Variants in SRGAP1 observed in about 807,000 individuals in gnomAD.
SRGAP1 encodes the protein SLIT-ROBO Rho GTPase-activating protein 1.
SRGAP1 carries 43 observed loss-of-function variants against 121.9 expected under a neutral mutation model. The ratio of observed to expected loss-of-function variants is 0.35; its 90% CI spans 0.28 to 0.46. The LOEUF (loss-of-function observed/expected upper bound fraction) is 0.46, where lower values mean the gene tolerates loss of function less well. SRGAP1 is among the 20% of genes least tolerant of loss of function. The probability of loss-of-function intolerance (pLI) is 1.00; values close to 1 mark genes in which losing one functional copy is unlikely to be tolerated. For missense variants in SRGAP1, 1,102 were observed against 1,350.9 expected, an observed-to-expected ratio of 0.82 and a Z score of 2.89; for synonymous variants, 447 against 485.4, an observed-to-expected ratio of 0.92 and a Z score of 1.04.
chr12:64,028,240 T>G (rs914493121), intron 4 of SRGAP1, among the ~76,000 whole-genome samples: 3 of 152,254 alleles, frequency 2.0e-5, no homozygotes, highest in Non-Finnish European at 4.4e-5. Context: ...TTTCTTTCAG[T>G]AGATTAAACT....
chr12:64,061,616 A>G (rs886379773), intron 6 of SRGAP1, among the ~76,000 whole-genome samples: 3 of 152,182 alleles, frequency 2.0e-5, no homozygotes, highest in Non-Finnish European at 4.4e-5. Context: ...TGAGAGTTGT[A>G]TATCCATCAC....
At chr12:63,921,920 A>G (rs1242987600) in intron 1 of SRGAP1, among the ~76,000 whole-genome samples, 1 of 152,124 alleles carries the variant, frequency 6.6e-6, no homozygotes, top group African/African-American at 2.4e-5. Context: ...ATATTTCCTT[A>G]GCCATCACAA....
intron 6 of SRGAP1, among the ~76,000 whole-genome samples, chr12:64,047,743 T>A (rs57477949): frequency 1.3e-5 from 2 of 151,636 alleles, no homozygotes. Flanking sequence ...AGAAAAGTCA[T>A]AAATTTTCCG....
chr12:64,019,536 G>A (rs2034494069), intron 4 of SRGAP1, among the ~76,000 whole-genome samples: 1 of 152,142 alleles, frequency 6.6e-6, no homozygotes, highest in African/African-American at 2.4e-5. Flanking sequence ...GTCATATTCT[G>A]TGGGGAGAGA....
intron 1 of SRGAP1, among the ~76,000 whole-genome samples, chr12:63,897,455 T>C (rs1337400924): frequency 1.3e-5 from 2 of 152,214 alleles, no homozygotes; most frequent in Non-Finnish European, 2.9e-5. Context: ...GCAATGACTT[T>C]TATTTGGCAC....
At chr12:64,140,656 AC>A (rs1177567087) in intron 21 of SRGAP1, among the ~76,000 whole-genome samples, 6 of 143,750 alleles carry the variant, frequency 4.2e-5, no homozygotes, top group African/African-American at 1.5e-4. Context: ...AAATAGGAAC[AC>A]TTTTACACTG....
Position 63,984,004 on chromosome 12 carries a change from G to A in SRGAP1, c.125G>A (p.Arg42Gln), listed in dbSNP as rs771599599. 8 of 1,574,416 alleles carry A rather than the reference G, an allele frequency of 5.1e-6. No homozygotes were observed. The highest frequency in any genetic ancestry group is 1.7e-5 in the Admixed American group (1 of 58,102). ...TGCCTGGAGCAGCAAACGGAGATGC[G>A]AGTTCAGCTTCTCCAGGATCTGCAA... ...QKCLEQQTEM[R>Q]VQLLQDLQDF... Residue 42 changes from arginine to glutamine, a missense_variant, in exon 2 of 22, where the codon CGA becomes CAA. Arg to Gln is a conservative substitution (Grantham distance 43). This residue lies in a region of SRGAP1 where 747 missense variants were observed against 929.4 expected (regional missense o/e 0.80). Transcript: ENST00000355086.
intron 1 of SRGAP1, among the ~76,000 whole-genome samples, chr12:63,945,983 C>CTGGTTCACCCACACATACCTTCCTAT (rs1565962476): frequency 2.9e-4 from 43 of 149,998 alleles, no homozygotes; most frequent in African/African-American, 1.0e-3. Context: ...TACCTTCCTA[C>CTGGTTCACCCACACATACCTTCCTAT]CTGGTTCACC....
chr12:63,966,177 G>A (rs780077113), intron 1 of SRGAP1, among the ~76,000 whole-genome samples: 8 of 152,146 alleles, frequency 5.3e-5, no homozygotes, highest in Admixed American at 2.6e-4. Flanking sequence ...CAGTACATTA[G>A]AACTCACAAA....
chr12:63,889,393 C>T (rs1232452268), intron 1 of SRGAP1, among the ~76,000 whole-genome samples: 1 of 152,200 alleles, frequency 6.6e-6, no homozygotes, highest in East Asian at 1.9e-4. Flanking sequence ...GCAACAGCTT[C>T]TGGCCTGGGT....
chr12:64,112,069 C>T (rs766951347), intron 17 of SRGAP1, 83 bp downstream of exon 17: 1 of 1,094,776 alleles, frequency 9.1e-7, no homozygotes, highest in Non-Finnish European at 1.3e-6. Flanking sequence ...AAAGAGTTTC[C>T]CATAAGCCAC....
chr12:64,028,769 C>A (rs1202083158), intron 4 of SRGAP1, among the ~76,000 whole-genome samples: 2 of 152,142 alleles, frequency 1.3e-5, no homozygotes, highest in African/African-American at 4.8e-5. Flanking sequence ...CTGGTTATGT[C>A]CCCCCAATCC....
intron 15 of SRGAP1, among the ~76,000 whole-genome samples, chr12:64,102,375 A>G (rs2036270427): frequency 6.6e-6 from 1 of 152,210 alleles, no homozygotes; most frequent in Non-Finnish European, 1.5e-5. Flanking sequence ...TACAGTACCT[A>G]TGTACTTTGT....
At chr12:63,973,004 G>T (rs1314739839) in intron 1 of SRGAP1, among the ~76,000 whole-genome samples, 1 of 151,884 alleles carries the variant, frequency 6.6e-6, no homozygotes, top group Non-Finnish European at 1.5e-5. Context: ...AAAATTAGCC[G>T]GGCATGGTGG....
chr12:64,010,196 C>T (rs903364799), intron 3 of SRGAP1, among the ~76,000 whole-genome samples: 2 of 152,128 alleles, frequency 1.3e-5, no homozygotes, highest in African/African-American at 2.4e-5. Context: ...TTTACTCCCG[C>T]GGTGACTCAG....
intron 1 of SRGAP1, among the ~76,000 whole-genome samples, chr12:63,976,081 G>C (rs534743176): frequency 1.1e-3 from 169 of 152,240 alleles, no homozygotes; most frequent in African/African-American, 3.9e-3. Flanking sequence ...TTTGCCCACT[G>C]ATGCTTCTAA....
intron 1 of SRGAP1, among the ~76,000 whole-genome samples, chr12:63,932,701 C>G (rs2031522389): frequency 6.6e-6 from 1 of 152,062 alleles, no homozygotes; most frequent in Non-Finnish European, 1.5e-5. Flanking sequence ...TGCAGAAGAC[C>G]CAAGGAAATT....
At position 64,142,846 on chromosome 12, in the gene SRGAP1, G is replaced by A; in HGVS notation, c.*174G>A. The A allele has an allele frequency of 1.2e-6, 1 of 864,562 alleles. No homozygotes were observed. The highest frequency in any genetic ancestry group is 2.7e-5 in the East Asian group (1 of 37,034). 53.6% of individuals were successfully genotyped at this position (864,562 alleles called of 1,614,324 possible). ...ACTAGCTAAATTAACACGGGCATTTGTATTTTGTAATTTTTTTAAATAACT... is the reference window on the plus strand; with the variant it reads ...ACTAGCTAAATTAACACGGGCATTTATATTTTGTAATTTTTTTAAATAACT... On this transcript the variant is annotated 3_prime_UTR_variant, in exon 22 of 22. Coordinates refer to ENST00000355086, the MANE Select transcript of SRGAP1 (RefSeq NM_020762.4).
chr12:64,022,174 C>T (rs1482314507), intron 4 of SRGAP1, among the ~76,000 whole-genome samples: 1 of 151,772 alleles, frequency 6.6e-6, no homozygotes, highest in Non-Finnish European at 1.5e-5. Context: ...TGTGTGTGTG[C>T]ATGTGCAAAG....
Sources: gnomAD v4.1 joint callset for allele counts (sites outside exome capture counted in the v4.1 genomes callset) on GRCh38, gnomAD v4.1.1 for gene constraint, gnomAD v4.1.1 regional missense constraint, MANE v1.5 for transcripts, NCBI Gene and HGNC (gene_info 2026-07-23, HGNC 2026-07-21) for gene names.